Variants in PSEN1 observed in about 807,000 individuals in gnomAD.
PSEN1 encodes the protein presenilin 1.
PSEN1 carries 15 observed loss-of-function variants against 53.5 expected under a neutral mutation model. The ratio of observed to expected loss-of-function variants is 0.28; its 90% CI spans 0.19 to 0.43. PSEN1 has a LOEUF of 0.43. PSEN1 is among the 20% of genes least tolerant of loss of function. PSEN1 has a pLI of 1.00. For missense variants in PSEN1, 387 were observed against 571.2 expected (o/e 0.68, Z 3.29); for synonymous variants, 208 against 209.8 (o/e 0.99, Z 0.08).
At chr14:73,185,429 C>T (rs61986891) in intron 5 of PSEN1, among the ~76,000 whole-genome samples, 8,704 of 152,278 alleles carry the variant, frequency 0.057, 328 homozygotes, top group Non-Finnish European at 0.088. Flanking sequence ...CACAGCGAAA[C>T]CCCGTCTCCA....
At chr14:73,173,916 G>A in intron 5 of PSEN1, 1 of 666,408 alleles carries the variant, frequency 1.5e-6, no homozygotes, top group East Asian at 2.7e-5. Context: ...CTCAGAGGCT[G>A]AGGCAGGAGG....
intron 1 of PSEN1, among the ~76,000 whole-genome samples, chr14:73,143,988 T>TAAAA (rs530235019): frequency 1.9e-5 from 1 of 53,196 alleles, no homozygotes; most frequent in Non-Finnish European, 3.0e-5. Flanking sequence ...CCTTGTCTCT[T>TAAAA]AAAAAAAAAA....
intron 3 of PSEN1, chr14:73,167,715 T>C (rs1028633520): frequency 2.0e-5 from 3 of 151,748 alleles, no homozygotes; most frequent in Non-Finnish European, 4.4e-5. Flanking sequence ...TGCTCAAGTC[T>C]CTAACAGCTC....
At chr14:73,164,352 T>C (rs1197009591) in intron 3 of PSEN1, among the ~76,000 whole-genome samples, 1 of 152,204 alleles carries the variant, frequency 6.6e-6, no homozygotes, top group African/African-American at 2.4e-5. Flanking sequence ...ACTAAAAATG[T>C]CTGGAATTTT....
rs1233968816 is a variant in PSEN1, at chr14:73,220,021, G to A, written c.*732G>A. 6.6e-6 allele frequency: 1 copy of A among 152,282 alleles called. No homozygotes were observed. Among genetic ancestry groups the A allele is most frequent in the African/African-American group, 2.4e-5 (1 of 41,444 alleles). The allele number at this position is 152,282 out of a possible 1,614,324, so 9.4% of individuals were successfully genotyped here. A position where few individuals can be genotyped will look rare whatever the true frequency, so the allele number is the denominator to read the frequency against. ...AACCTGAGGTTGCTTTATCCTAAAA[G>A]TTTTAACCTCAGGTTCCAAATTCAG... is the stretch of plus-strand genomic sequence containing the variant. On this transcript the variant is annotated 3_prime_UTR_variant, in exon 12 of 12. Coordinates refer to ENST00000324501, the MANE Select transcript of PSEN1 (RefSeq NM_000021.4).
At chr14:73,218,729 C>T (rs975629278) in intron 11 of PSEN1, among the ~76,000 whole-genome samples, 7 of 150,188 alleles carry the variant, frequency 4.7e-5, no homozygotes, top group African/African-American at 9.8e-5. Context: ...AGAATGCCCC[C>T]GCACAGCATA....
chr14:73,160,604 G>GT lies in PSEN1; in HGVS notation c.88-10184dup, dbSNP rs111650497. On this transcript the variant is annotated intron_variant, in intron 3 of 11. Transcript: ENST00000324501. ...GGTAGTGGCCATCCTAACGGGTGTA[G>GT]TTTTTTTTTGCATTTTTCTAATGAT... 5.1e-3 allele frequency among the ~76,000 whole-genome samples: 770 copies of GT among 150,408 alleles called. 5 individuals carry two copies. The highest frequency in any genetic ancestry group is 0.017 in the African/African-American group (679 of 41,018).
chr14:73,171,030 C>G lies in PSEN1; in HGVS notation c.321C>G (p.Thr107=), dbSNP rs139863395. The part of the protein sequence containing the change: ...VATIKSVSFY[T]RKDGQLIYTP... ...CCATTAAGTCAGTCAGCTTTTATACCCGGAAGGATGGGCAGCTGTACGTAT... is the reference window on the plus strand; with the variant it reads ...CCATTAAGTCAGTCAGCTTTTATACGCGGAAGGATGGGCAGCTGTACGTAT... Residue 107 remains threonine (T), a synonymous_variant, in exon 4 of 12, where the codon ACC becomes ACG. Transcript: ENST00000324501. 2.6e-4 allele frequency: 414 copies of G among 1,614,120 alleles called. No homozygotes were observed. The African/African-American group carries it at 4.9e-3, about 19-fold the overall frequency.
At chr14:73,139,989 A>G (rs940254561) in intron 1 of PSEN1, among the ~76,000 whole-genome samples, 3 of 152,228 alleles carry the variant, frequency 2.0e-5, no homozygotes, top group Admixed American at 2.0e-4. Context: ...GACGTAAATA[A>G]TCATTTTTCA....
chr14:73,169,560 C>T (rs1034116885), intron 3 of PSEN1: 3 of 152,190 alleles, frequency 2.0e-5, no homozygotes, highest in Non-Finnish European at 2.9e-5. Context: ...TGTTCCTTAT[C>T]TCTACCAATG....
intron 10 of PSEN1, among the ~76,000 whole-genome samples, chr14:73,215,023 G>A (rs1377209831): frequency 6.6e-6 from 1 of 151,886 alleles, no homozygotes; most frequent in African/African-American, 2.4e-5. Flanking sequence ...GTGCAGTGCT[G>A]GGATCTCAGC....
At chr14:73,141,122 A>G (rs1896912809) in intron 1 of PSEN1, among the ~76,000 whole-genome samples, 1 of 152,246 alleles carries the variant, frequency 6.6e-6, no homozygotes, top group South Asian at 2.1e-4. Flanking sequence ...TCACATGATC[A>G]TGCCCAAAGA....
At chr14:73,202,447 TATATATATATA>T (rs1566648306) in intron 8 of PSEN1, among the ~76,000 whole-genome samples, 26 of 18,102 alleles carry the variant, frequency 1.4e-3, no homozygotes, top group African/African-American at 6.5e-3. Context: ...TATATATATA[TATATATATATA>T]TATATTTTTT....
Position 73,220,236 on chromosome 14 carries a change from G to A in PSEN1, c.*947G>A, listed in dbSNP as rs7523. ...CTACAGCCAGTAAGGCAGCTCTGTCGTGGTAGCAGATGGTCCCATTATTCT... is the reference window on the plus strand; with the variant it reads ...CTACAGCCAGTAAGGCAGCTCTGTCATGGTAGCAGATGGTCCCATTATTCT... On this transcript the variant is annotated 3_prime_UTR_variant, in exon 12 of 12. Coordinates refer to ENST00000324501, the MANE Select transcript of PSEN1 (RefSeq NM_000021.4). 22,482 of 152,360 alleles carry A rather than the reference G, an allele frequency of 0.15. 1,883 individuals carry two copies. Among genetic ancestry groups the A allele is most frequent in the South Asian group, 0.24 (1,164 of 4,816 alleles). The allele number at this position is 152,360 out of a possible 1,614,324, so 9.4% of individuals were successfully genotyped here. A position where few individuals can be genotyped will look rare whatever the true frequency, so the allele number is the denominator to read the frequency against.
At chr14:73,212,101 T>TTTTTC in intron 10 of PSEN1, among the ~76,000 whole-genome samples, 159 bp downstream of exon 10, 1 of 61,690 alleles carries the variant, frequency 1.6e-5, no homozygotes, top group African/African-American at 8.8e-5. Context: ...TTTTTTTTTT[T>TTTTTC]TTTTTTTTTT....
intron 8 of PSEN1, among the ~76,000 whole-genome samples, chr14:73,204,035 A>C (rs1048018032): frequency 3.9e-5 from 6 of 152,086 alleles, no homozygotes; most frequent in African/African-American, 1.4e-4. Context: ...TTTCGCTCTC[A>C]TTGCCCAGGC....
intron 10 of PSEN1, among the ~76,000 whole-genome samples, chr14:73,212,152 C>G (rs1392518944): frequency 9.2e-6 from 1 of 108,350 alleles, no homozygotes; most frequent in Non-Finnish European, 1.7e-5. Context: ...CGCTCTGTCG[C>G]CAGGTTGGAG....
chr14:73,182,251 C>T (rs1595014959), intron 5 of PSEN1, among the ~76,000 whole-genome samples: 1 of 151,740 alleles, frequency 6.6e-6, no homozygotes, highest in East Asian at 1.9e-4. Flanking sequence ...TGGCTGAGAC[C>T]AGAGGATCAC....
chr14:73,164,181 C>T (rs1423403579), intron 3 of PSEN1, among the ~76,000 whole-genome samples: 1 of 152,148 alleles, frequency 6.6e-6, no homozygotes, highest in Non-Finnish European at 1.5e-5. Flanking sequence ...AGATTCGGGA[C>T]TTCCTAGAAA....
Sources: gnomAD v4.1 joint callset for allele counts (sites outside exome capture counted in the v4.1 genomes callset) on GRCh38, gnomAD v4.1.1 for gene constraint, MANE v1.5 for transcripts, NCBI Gene and HGNC (gene_info 2026-07-23, HGNC 2026-07-21) for gene names.